Variants in GUCY2D observed in about 807,000 individuals in gnomAD.
The protein encoded by GUCY2D is retinal guanylyl cyclase 1.
Under a neutral mutation model 101.3 loss-of-function variants are expected in GUCY2D, and 70 were observed. The ratio of observed to expected loss-of-function variants is 0.69; its 90% CI spans 0.57 to 0.84. The LOEUF (loss-of-function observed/expected upper bound fraction) is 0.84, where lower values mean the gene tolerates loss of function less well. Ranked by LOEUF, GUCY2D falls within the 40% of genes least tolerant of loss-of-function variation. GUCY2D has a pLI of 0.00. For missense variants in GUCY2D, 1,460 were observed against 1,542.5 expected, an observed-to-expected ratio of 0.95 and a Z score of 0.90; for synonymous variants, 688 against 670.7, an observed-to-expected ratio of 1.03 and a Z score of -0.40.
In GUCY2D at chr17:8,007,158, T is replaced by C; in HGVS notation, c.1463+14T>C. On this transcript the variant is annotated intron_variant, in intron 5 of 19. Coordinates refer to ENST00000254854, the MANE Select transcript of GUCY2D (RefSeq NM_000180.4). Reference sequence around the variant, plus strand: ...CCATTATGTGAGGTGAGTAGTGGAATGAGGTAAGTAGGAAGTGAGCTTGTG... The same window carrying C: ...CCATTATGTGAGGTGAGTAGTGGAACGAGGTAAGTAGGAAGTGAGCTTGTG... The C allele has an allele frequency of 1.3e-6, 2 of 1,578,580 alleles. No homozygotes were observed. Among genetic ancestry groups the C allele is most frequent in the Middle Eastern group, 3.3e-4 (2 of 5,996 alleles).
chr17:8,005,743 A>G (rs1233098988), intron 3 of GUCY2D, among the ~76,000 whole-genome samples: 1 of 152,200 alleles, frequency 6.6e-6, no homozygotes, highest in East Asian at 1.9e-4. Flanking sequence ...AGGTTCCTTG[A>G]GACGGGGTCT....
At position 8,003,926 on chromosome 17, in the gene GUCY2D, C is replaced by T; in HGVS notation, c.796C>T (p.Leu266=). Residue 266 remains leucine (L), a synonymous_variant, in exon 3 of 20, where the codon CTG becomes TTG. Coordinates refer to ENST00000254854, the MANE Select transcript of GUCY2D (RefSeq NM_000180.4). ...CTACCTCCTGGAGGCCGCAGAGGAG[C>T]TGGGCCTGACCGATGGCTCCCTGGT... ...QRYLLEAAEE[L]GLTDGSLVFL... 3 of 1,613,578 alleles carry T rather than the reference C, an allele frequency of 1.9e-6. No individual in the cohort carries two copies.
chr17:8,004,282 G>A, intron 3 of GUCY2D, 126 bp downstream of exon 3: 2 of 877,326 alleles, frequency 2.3e-6, no homozygotes, highest in Non-Finnish European at 3.4e-6. Flanking sequence ...AGTTTCCTGG[G>A]TAATGTAGAG....
chr17:8,014,927 A>T lies in GUCY2D; in HGVS notation c.2645A>T (p.Tyr882Phe). 2 of 1,613,984 alleles carry T rather than the reference A, an allele frequency of 1.2e-6. No homozygotes were observed. Among genetic ancestry groups the T allele is most frequent in the Non-Finnish European group, 1.7e-6 (2 of 1,179,918 alleles). ...GAGTACTTTGAGCAAGTGACACTGT[A>T]CTTTAGTGACATTGTGGGCTTCACC... is the stretch of plus-strand genomic sequence containing the variant. ...EPEYFEQVTL[Y>F]FSDIVGFTTI... Residue 882 changes from tyrosine (Y) to phenylalanine (F), a missense_variant, in exon 14 of 20, where the codon TAC (tyrosine) becomes TTC (phenylalanine). Tyr to Phe is a conservative substitution (Grantham distance 22, BLOSUM62 3). This residue lies in a region of GUCY2D where 1,196 missense variants were observed against 1,229.6 expected (regional missense o/e 0.97). Transcript: ENST00000254854. The surrounding 1 kb of genome is among the most constrained non-coding windows in gnomAD (Gnocchi z 4.0).
In GUCY2D at chr17:8,014,038, T is replaced by C. The variant is rs1446169314; in HGVS notation, c.2412+10T>C. ...CCACACCTTCGACCTGGTCAGGGGC[T>C]GGGAGTGGGCAAGGACTGGGCTGGC... On this transcript the variant is annotated intron_variant, in intron 12 of 19. Transcript: ENST00000254854. The surrounding 1 kb of genome is among the most constrained non-coding windows in gnomAD (Gnocchi z 4.0). 7 of 1,611,118 alleles carry C rather than the reference T, an allele frequency of 4.3e-6. No homozygotes were observed. The highest frequency in any genetic ancestry group is 5.9e-6 in the Non-Finnish European group (7 of 1,179,310).
chr17:8,015,513 G>A lies in GUCY2D; in HGVS notation c.2944+11G>A, dbSNP rs1042812567. On this transcript the variant is annotated intron_variant, in intron 15 of 19. Coordinates refer to ENST00000254854, the MANE Select transcript of GUCY2D (RefSeq NM_000180.4). The stretch of plus-strand genomic sequence containing the variant: ...TAGGCCTGCACTCGGGTAACTCCCG[G>A]GTCTTCCCAGGCTCCAGCCCATCTC... 13 of 1,606,470 alleles carry A rather than the reference G, an allele frequency of 8.1e-6. No homozygotes were observed. Among genetic ancestry groups the A allele is most frequent in the African/African-American group, 1.3e-5 (1 of 74,912 alleles).
chr17:8,013,268 G>A lies in GUCY2D; in HGVS notation c.2263+16G>A. On this transcript the variant is annotated intron_variant, in intron 11 of 19. Transcript: ENST00000254854. The surrounding 1 kb of genome is among the most constrained non-coding windows in gnomAD (Gnocchi z 5.0). ...ACTCCCGAGGGTAAGGCTGCCCTGT[G>A]CGTGGAGTTCGGCCCACAGGGGCAC... 2 of 1,613,678 alleles carry A rather than the reference G, an allele frequency of 1.2e-6. No homozygotes were observed. Among genetic ancestry groups the A allele is most frequent in the Non-Finnish European group, 1.7e-6 (2 of 1,179,744 alleles).
chr17:8,012,790 G>A (rs1975882319), intron 10 of GUCY2D, among the ~76,000 whole-genome samples, 184 bp downstream of exon 10: 1 of 152,196 alleles, frequency 6.6e-6, no homozygotes, highest in South Asian at 2.1e-4. Context: ...CGGAGACGGG[G>A]CTGCTGGGGG....
chr17:8,018,526 T>C (rs1976017175), intron 19 of GUCY2D, among the ~76,000 whole-genome samples: 1 of 152,222 alleles, frequency 6.6e-6, no homozygotes, highest in African/African-American at 2.4e-5. Context: ...GTTTGGCCTA[T>C]AGAGTGTTTT....
chr17:8,013,121 C>G lies in GUCY2D; in HGVS notation c.2132C>G (p.Pro711Arg). 6.2e-7 allele frequency: 1 copy of G among 1,613,180 alleles called. No homozygotes were observed. Among genetic ancestry groups the G allele is most frequent in the Admixed American group, 1.7e-5 (1 of 60,006 alleles). Residue 711 changes from proline to arginine, a missense_variant, in exon 11 of 20, where the codon CCG (proline) becomes CGG (arginine). Pro to Arg is a moderately radical substitution (Grantham distance 103, BLOSUM62 -2). Transcript: ENST00000254854. This position sits in a 1 kb window ranked among gnomAD's most constrained non-coding sequence, Gnocchi z 5.0. ...TCCCCAGACCAGCTGTGGACAGCCC[C>G]GGAGCTGCTTAGGGACCCAGCCCTG... The part of the protein sequence containing the change: ...PRAEDQLWTA[P>R]ELLRDPALER...
rs2151800878 is a variant in GUCY2D, at chr17:8,007,444, G to A, written c.1482G>A (p.Met494Ile). 6.2e-7 allele frequency: 1 copy of A among 1,612,912 alleles called. No homozygotes were observed. ...AHYVRHRLLH[M>I]QMVSGPNKII... is the part of the protein sequence containing the mutation. Reference sequence around the variant, plus strand: ...CCACCAGGCACCGGCTACTTCACATGCAAATGGTCTCCGGCCCCAACAAGA... The same window carrying A: ...CCACCAGGCACCGGCTACTTCACATACAAATGGTCTCCGGCCCCAACAAGA... Residue 494 changes from methionine (M) to isoleucine (I), a missense_variant, in exon 6 of 20, where the codon ATG (methionine) becomes ATA (isoleucine). Transcript: ENST00000254854.
chr17:8,013,771 C>G lies in GUCY2D; in HGVS notation c.2264-109C>G. ...ACTGAACCTCTGATGTAAAGAAACC[C>G]CTGCCAGGCACCCCCTCCCACATCT... On this transcript the variant is annotated intron_variant, in intron 11 of 19. Transcript: ENST00000254854. The surrounding 1 kb of genome is among the most constrained non-coding windows in gnomAD (Gnocchi z 5.0). 1.2e-6 allele frequency: 1 copy of G among 868,828 alleles called. No individual in the cohort carries two copies. The highest frequency in any genetic ancestry group is 1.9e-6 in the Non-Finnish European group (1 of 522,554). 53.8% of individuals were successfully genotyped at this position (868,828 alleles called of 1,614,324 possible). A position where few individuals can be genotyped will look rare whatever the true frequency, so the allele number is the denominator to read the frequency against.
chr17:8,016,013 G>C lies in GUCY2D; in HGVS notation c.3130G>C (p.Glu1044Gln), dbSNP rs199611541. 1 of 1,607,254 alleles carries C rather than the reference G, an allele frequency of 6.2e-7. No homozygotes were observed. Among genetic ancestry groups the C allele is most frequent in the Admixed American group, 1.7e-5 (1 of 59,216 alleles). ...CCAGGTGGAGCTGCGAGGCCGCACGGAGCTGAAGGTGAGGCAGGGCCCCAA... is the reference window on the plus strand; with the variant it reads ...CCAGGTGGAGCTGCGAGGCCGCACGCAGCTGAAGGTGAGGCAGGGCCCCAA... ...GYQVELRGRT[E>Q]LKGKGAEDTF... The change falls in exon 17 of 20, where the codon GAG (glutamate) becomes CAG (glutamine). Residue 1044 changes from glutamate (E) to glutamine (Q), a missense_variant. Physicochemically the swap from Glu to Gln is conservative, Grantham distance 29. Coordinates refer to ENST00000254854, the MANE Select transcript of GUCY2D (RefSeq NM_000180.4).
In GUCY2D at chr17:8,015,025, A is replaced by G. The variant is rs1189392055; in HGVS notation, c.2743A>G (p.Ile915Val). 16 of 1,613,840 alleles carry G rather than the reference A, an allele frequency of 9.9e-6. No homozygotes were observed. The highest frequency in any genetic ancestry group is 1.3e-5 in the Non-Finnish European group (15 of 1,179,996). The change falls in exon 14 of 20, where the codon ATC becomes GTC. Residue 915 changes from isoleucine (I) to valine (V), a missense_variant. By Grantham distance (29) the Ile-to-Val change is conservative. Transcript: ENST00000254854. ...LNDLYTLFDA[I>V]IGSHDVYKVE... Reference sequence around the variant, plus strand: ...CGATCTCTACACACTCTTTGATGCCATCATTGGTTCCCACGATGTCTACAA... The same window carrying G: ...CGATCTCTACACACTCTTTGATGCCGTCATTGGTTCCCACGATGTCTACAA...
At chr17:8,019,203 G>C (rs901207040) in intron 19 of GUCY2D, among the ~76,000 whole-genome samples, 2 of 152,134 alleles carry the variant, frequency 1.3e-5, no homozygotes, top group African/African-American at 4.8e-5. Context: ...AGAGCTCTCA[G>C]CCTCCTGTCT....
At position 8,015,956 on chromosome 17, in the gene GUCY2D, G is replaced by A. The variant is rs1367830280; in HGVS notation, c.3073G>A (p.Val1025Met). 6.2e-7 allele frequency: 1 copy of A among 1,612,266 alleles called. No homozygotes were observed. The highest frequency in any genetic ancestry group is 8.5e-7 in the Non-Finnish European group (1 of 1,179,430). Residue 1025 changes from valine to methionine, a missense_variant, in exon 17 of 20, where the codon GTG becomes ATG. Coordinates refer to ENST00000254854, the MANE Select transcript of GUCY2D (RefSeq NM_000180.4). ...PYRIHVNLSTVGILRALDSGY... is the reference protein window; with the variant it reads ...PYRIHVNLSTMGILRALDSGY... ...CCGCATCCACGTGAACTTGAGCACT[G>A]TGGGGATTCTCCGTGCTCTGGACTC...
chr17:8,019,856 C>T (rs982183380), intron 19 of GUCY2D, among the ~76,000 whole-genome samples: 6 of 152,202 alleles, frequency 3.9e-5, no homozygotes, highest in African/African-American at 1.4e-4. Flanking sequence ...CAACTCCCAG[C>T]GCATGAGAGC....
Position 8,011,519 on chromosome 17 carries a change from C to T in GUCY2D, c.1750-625C>T, listed in dbSNP as rs907262406. Among the ~76,000 whole-genome samples the T allele has an allele frequency of 6.6e-6, 1 of 152,142 alleles. No homozygotes were observed. Among genetic ancestry groups the T allele is most frequent in the Non-Finnish European group, 1.5e-5 (1 of 68,022 alleles). ...TGAGCTGCTTCCCTTAAGACCCAGG[C>T]AGTTCAGAGTTTTATGGCTGGGGCC... On this transcript the variant is annotated intron_variant, in intron 8 of 19. Transcript: ENST00000254854. This position sits in a 1 kb window ranked among gnomAD's most constrained non-coding sequence, Gnocchi z 4.3.
Position 8,013,927 on chromosome 17 carries a change from G to GT in GUCY2D, c.2312dup (p.Ser772ValfsTer47). On this transcript the variant is annotated frameshift_variant, in exon 12 of 20. Transcript: ENST00000254854. LOFTEE classifies it high-confidence loss of function. This position sits in a 1 kb window ranked among gnomAD's most constrained non-coding sequence, Gnocchi z 5.0. Reference sequence around the variant, plus strand: ...CCCCCCTCCACTGTGTCGGCCCTTGGTGTCCATGGACCAGGCACCTGTCGA... The same window carrying GT: ...CCCCCCTCCACTGTGTCGGCCCTTGGTTGTCCATGGACCAGGCACCTGTCGA... 6.2e-7 allele frequency: 1 copy of GT among 1,613,642 alleles called. No individual in the cohort carries two copies. Among genetic ancestry groups the GT allele is most frequent in the African/African-American group, 1.3e-5 (1 of 75,038 alleles).
Sources: gnomAD v4.1 joint callset for allele counts (sites outside exome capture counted in the v4.1 genomes callset) on GRCh38, gnomAD v4.1.1 for gene constraint, gnomAD v4.1.1 regional missense constraint, Gnocchi (gnomAD v3.1) non-coding constraint, MANE v1.5 for transcripts, NCBI Gene and HGNC (gene_info 2026-07-23, HGNC 2026-07-21) for gene names.